Variants in NOL4 observed in about 807,000 individuals in gnomAD.
NOL4 encodes cancer/testis antigen 125.
In NOL4, 17 loss-of-function variants were observed where a neutral mutation model predicts 75.9. The ratio of observed to expected loss-of-function variants is 0.22; its 90% CI spans 0.15 to 0.34. The LOEUF (loss-of-function observed/expected upper bound fraction) is 0.34, where lower values mean the gene tolerates loss of function less well. Among genes scored for constraint, NOL4 ranks in the 10% least tolerant of loss-of-function variants. The pLI is 1.00. For synonymous variants in NOL4, 292 were observed against 289.9 expected (o/e 1.01, Z -0.07); for missense variants, 614 against 793.5 (o/e 0.77, Z 2.72).
intron 5 of NOL4, among the ~76,000 whole-genome samples, chr18:34,045,862 T>C (rs902307319): frequency 2.0e-5 from 3 of 152,164 alleles, no homozygotes; most frequent in African/African-American, 7.2e-5. Context: ...CGTGTTCATA[T>C]TATAGTATTA....
chr18:33,983,443 T>C (rs911903505), intron 6 of NOL4, among the ~76,000 whole-genome samples: 4 of 148,770 alleles, frequency 2.7e-5, no homozygotes, highest in African/African-American at 2.6e-5. Flanking sequence ...AAATAGGAGG[T>C]AGATGAGAGG....
chr18:34,211,751 TAAG>T (rs916371906), intron 1 of NOL4, among the ~76,000 whole-genome samples: 167 of 152,242 alleles, frequency 1.1e-3, no homozygotes, highest in African/African-American at 3.4e-3. Flanking sequence ...GAGTGGAACA[TAAG>T]AGGCTATTGA....
chr18:33,906,226 G>A (rs550939520), intron 9 of NOL4, among the ~76,000 whole-genome samples: 2 of 152,292 alleles, frequency 1.3e-5, no homozygotes, highest in Admixed American at 1.3e-4. Context: ...ACCCGACCAA[G>A]GATGGAGGCA....
At chr18:34,215,748 C>A (rs1376107232) in intron 1 of NOL4, among the ~76,000 whole-genome samples, 1 of 152,120 alleles carries the variant, frequency 6.6e-6, no homozygotes, top group Non-Finnish European at 1.5e-5. Context: ...GACCCTTGAA[C>A]AACCTGGGGT....
intron 5 of NOL4, among the ~76,000 whole-genome samples, chr18:34,031,069 G>C (rs2075617583): frequency 6.6e-6 from 1 of 152,038 alleles, no homozygotes; most frequent in Admixed American, 6.6e-5. Context: ...AAATAAAAGG[G>C]AAGGGATGGA....
chr18:33,982,951 T>G (rs541970539), intron 6 of NOL4, among the ~76,000 whole-genome samples: 3 of 151,946 alleles, frequency 2.0e-5, no homozygotes, highest in African/African-American at 4.8e-5. Flanking sequence ...GGTTTCACCA[T>G]GTTGGTCAGG....
intron 6 of NOL4, among the ~76,000 whole-genome samples, chr18:34,009,052 A>G (rs771444661): frequency 1.3e-4 from 20 of 151,976 alleles, no homozygotes; most frequent in Non-Finnish European, 2.8e-4. Context: ...CCCCTCCAGA[A>G]GTTCAGAAAA....
chr18:34,067,830 T>C (rs577182269), intron 5 of NOL4, among the ~76,000 whole-genome samples: 3 of 152,118 alleles, frequency 2.0e-5, no homozygotes, highest in South Asian at 4.2e-4. Flanking sequence ...TGTGCCTGAA[T>C]GGTACTGTCA....
At chr18:33,856,455 T>C (rs2062840065) in intron 10 of NOL4, among the ~76,000 whole-genome samples, 1 of 152,060 alleles carries the variant, frequency 6.6e-6, no homozygotes. Flanking sequence ...AATAAGTTAT[T>C]GTCCATTTCC....
intron 5 of NOL4, among the ~76,000 whole-genome samples, chr18:34,035,045 T>A (rs997293377): frequency 6.6e-6 from 1 of 152,042 alleles, no homozygotes; most frequent in Non-Finnish European, 1.5e-5. Context: ...ACTCTAAGCA[T>A]TACACCGATC....
intron 10 of NOL4, among the ~76,000 whole-genome samples, chr18:33,873,955 G>A (rs2063815685): frequency 6.6e-6 from 1 of 151,952 alleles, no homozygotes; most frequent in Non-Finnish European, 1.5e-5. Flanking sequence ...AGATGCAAGG[G>A]AGGGTATCTC....
chr18:34,097,433 G>A (rs1406599360), intron 4 of NOL4, among the ~76,000 whole-genome samples: 2 of 151,994 alleles, frequency 1.3e-5, no homozygotes, highest in Non-Finnish European at 2.9e-5. Flanking sequence ...AGAATCTTTG[G>A]GGTGGTGTCC....
intron 9 of NOL4, among the ~76,000 whole-genome samples, chr18:33,933,453 T>A (rs1026118203): frequency 1.3e-5 from 2 of 152,172 alleles, no homozygotes; most frequent in Non-Finnish European, 2.9e-5. Context: ...AATATTTCTC[T>A]AAAGTATACA....
intron 9 of NOL4, 31 bp downstream of exon 9, chr18:33,943,034 G>GT: frequency 1.5e-6 from 2 of 1,367,280 alleles, no homozygotes; most frequent in Non-Finnish European, 2.1e-6. Context: ...GCTATAGCTG[G>GT]TGTTCACCAG....
intron 1 of NOL4, among the ~76,000 whole-genome samples, chr18:34,140,398 C>G (rs377708029): frequency 6.6e-6 from 1 of 151,902 alleles, no homozygotes; most frequent in Non-Finnish European, 1.5e-5. Flanking sequence ...GATAGTTAGC[C>G]CTTCTTGTTG....
chr18:33,924,120 G>A (rs980387581), intron 9 of NOL4, among the ~76,000 whole-genome samples: 1 of 152,188 alleles, frequency 6.6e-6, no homozygotes, highest in African/African-American at 2.4e-5. Flanking sequence ...TCCAGTGTCT[G>A]CAGTAGCACT....
intron 5 of NOL4, among the ~76,000 whole-genome samples, chr18:34,023,803 G>A (rs544123074): frequency 2.0e-4 from 31 of 152,118 alleles, no homozygotes; most frequent in Admixed American, 1.5e-3. Flanking sequence ...CTATCTCTGC[G>A]AGCACAGATG....
intron 9 of NOL4, among the ~76,000 whole-genome samples, chr18:33,913,034 G>C (rs2066500105): frequency 6.6e-6 from 1 of 152,012 alleles, no homozygotes; most frequent in Admixed American, 6.6e-5. Flanking sequence ...GGGTGCCAAA[G>C]TTAGGACATT....
chr18:33,997,455 G>A (rs1010041900), intron 6 of NOL4, among the ~76,000 whole-genome samples: 7 of 151,550 alleles, frequency 4.6e-5, no homozygotes, highest in African/African-American at 1.7e-4. Flanking sequence ...CCAATACCAT[G>A]CTGTTTTGGT....
Sources: allele counts gnomAD v4.1 joint callset (sites outside exome capture counted in the v4.1 genomes callset), GRCh38; gene constraint gnomAD v4.1.1; transcripts MANE v1.5; gene names NCBI Gene and HGNC (gene_info 2026-07-23, HGNC 2026-07-21).